The following PPP6R2 variants were observed in gnomAD, a reference collection of about 807,000 sequenced individuals.
PPP6R2 encodes the protein protein phosphatase 6 regulatory subunit 2, also known as serine/threonine-protein phosphatase 6 regulatory subunit 2.
Under a neutral mutation model 100.2 loss-of-function variants are expected in PPP6R2, and 62 were observed. That is an observed-to-expected ratio of 0.62 (90% CI 0.50 to 0.76). The LOEUF (loss-of-function observed/expected upper bound fraction) is 0.76. PPP6R2 is among the 30% of genes least tolerant of loss of function. The pLI, the probability that PPP6R2 is intolerant of heterozygous loss-of-function variation, is 0.00. For missense variants in PPP6R2, 1,142 were observed against 1,276.3 expected, an observed-to-expected ratio of 0.89 and a Z score of 1.60; for synonymous variants, 525 against 514.7, an observed-to-expected ratio of 1.02 and a Z score of -0.27.
chr22:50,339,355 ATG>A (rs2042342514), upstream of PPP6R2, among the ~76,000 whole-genome samples: 1 of 80,148 alleles, frequency 1.2e-5, no homozygotes, highest in African/African-American at 5.3e-5. Flanking sequence ...AGTGTGTGGT[ATG>A]TGGTGTGTGT....
chr22:50,380,850 G>A (rs1381217238), intron 2 of PPP6R2, among the ~76,000 whole-genome samples: 5 of 151,370 alleles, frequency 3.3e-5, no homozygotes, highest in East Asian at 4.0e-4. Flanking sequence ...TTAGCCGGGC[G>A]TGGTGGCGGG....
intron 1 of PPP6R2, among the ~76,000 whole-genome samples, chr22:50,353,656 G>A (rs2045808687): frequency 6.6e-6 from 1 of 152,088 alleles, no homozygotes; most frequent in Admixed American, 6.6e-5. Context: ...CCTTTAATTT[G>A]TAGAAAGCAC....
At chr22:50,378,828 C>T (rs1258357158) in intron 2 of PPP6R2, among the ~76,000 whole-genome samples, 1 of 151,070 alleles carries the variant, frequency 6.6e-6, no homozygotes, top group African/African-American at 2.4e-5. Context: ...TGCAGTGAGC[C>T]ATGATTGCAC....
At chr22:50,331,316 A>T in the PPP6R2 span, among the ~76,000 whole-genome samples, 1 of 151,726 alleles carries the variant, frequency 6.6e-6, no homozygotes, top group South Asian at 2.1e-4. Flanking sequence ...TTTGGCATAG[A>T]TATGTAGGAG....
chr22:50,408,385 CATGT>C lies in PPP6R2; in HGVS notation c.414+1511_414+1514del, dbSNP rs1394452828. On this transcript the variant is annotated intron_variant, in intron 4 of 23. Coordinates refer to ENST00000612753, the MANE Select transcript of PPP6R2 (RefSeq NM_001242898.2). ...GTTCCCCTTGACGACATTCAGCATG[CATGT>C]GAGTGTTCAGTGGAATGCCGTCTTC... Among the ~76,000 whole-genome samples the C allele has an allele frequency of 2.6e-5, 4 of 152,310 alleles. No homozygotes were observed. In the East Asian group the frequency reaches 7.7e-4, roughly 29 times the overall value.
chr22:50,399,137 C>T (rs753475503), intron 3 of PPP6R2, among the ~76,000 whole-genome samples: 5 of 152,094 alleles, frequency 3.3e-5, no homozygotes, highest in African/African-American at 7.2e-5. Flanking sequence ...GTCCCAGCTA[C>T]TTGGGAAGCT....
chr22:50,356,334 A>G (rs1602198974), intron 1 of PPP6R2, among the ~76,000 whole-genome samples: 2 of 131,910 alleles, frequency 1.5e-5, no homozygotes, highest in Non-Finnish European at 1.6e-5. Flanking sequence ...AGAGGGTGTC[A>G]CTCTGTCATC....
chr22:50,425,137 G>A (rs765729475), intron 10 of PPP6R2, among the ~76,000 whole-genome samples: 6 of 152,094 alleles, frequency 3.9e-5, no homozygotes, highest in African/African-American at 1.2e-4. Context: ...AACTCTCTCC[G>A]TTAAACACTA....
intron 2 of PPP6R2, among the ~76,000 whole-genome samples, chr22:50,375,994 G>C (rs569160326): frequency 1.3e-5 from 2 of 151,474 alleles, no homozygotes; most frequent in African/African-American, 4.9e-5. Flanking sequence ...GCGTGTGTCC[G>C]GCTAATTTTT....
In PPP6R2 at chr22:50,432,338, C is replaced by T. The variant is rs368507334; in HGVS notation, c.1400+9C>T. ...GCCAACGACCACACGCAGTAAGAGC[C>T]GCTCGGACGTGGAGGGACCCAGCCT... is the stretch of plus-strand genomic sequence containing the variant. On this transcript the variant is annotated intron_variant, in intron 12 of 23. Coordinates refer to ENST00000612753, the MANE Select transcript of PPP6R2 (RefSeq NM_001242898.2). The T allele has an allele frequency of 1.6e-5, 24 of 1,548,308 alleles. No individual in the cohort carries two copies. The highest frequency in any genetic ancestry group is 4.8e-5 in the South Asian group (4 of 83,966).
intron 2 of PPP6R2, among the ~76,000 whole-genome samples, chr22:50,383,161 G>T (rs1330507351): frequency 2.0e-5 from 3 of 152,140 alleles, no homozygotes; most frequent in African/African-American, 7.2e-5. Context: ...ATATGAAAAT[G>T]AAGGGGTCCA....
At chr22:50,439,071 C>T (rs1444477556) in intron 19 of PPP6R2, among the ~76,000 whole-genome samples, 3 of 152,294 alleles carry the variant, frequency 2.0e-5, no homozygotes, top group East Asian at 1.9e-4. Context: ...ACAGGCCTGA[C>T]GCCCTCCCCA....
rs1202641887 is a variant in PPP6R2, at chr22:50,437,388, TGGA to T, written c.1684-113_1684-111del. Reference sequence around the variant, plus strand: ...AACAGAGTTTACTGCCCACTTGTGCTGGAGGAGAAGCTCCCGAACAACTAGAGA... The same window carrying T: ...AACAGAGTTTACTGCCCACTTGTGCTGGAGAAGCTCCCGAACAACTAGAGA... On this transcript the variant is annotated intron_variant, in intron 15 of 23. Coordinates refer to ENST00000612753, the MANE Select transcript of PPP6R2 (RefSeq NM_001242898.2). The T allele has an allele frequency of 6.8e-6, 5 of 735,204 alleles. No homozygotes were observed. In the Admixed American group the frequency reaches 1.1e-4, roughly 16 times the overall value. 45.5% of individuals were successfully genotyped at this position (735,204 alleles called of 1,614,324 possible).
chr22:50,419,421 G>A lies in PPP6R2; in HGVS notation c.804G>A (p.Gly268=), dbSNP rs2061000378. Residue 268 remains glycine, a synonymous_variant, in exon 8 of 24, where the codon GGG becomes GGA. Coordinates refer to ENST00000612753, the MANE Select transcript of PPP6R2 (RefSeq NM_001242898.2). ...GGACGGAGAGCTGCCTCGTCAGTGG[G>A]ACTCAGGTGTTACTCACCTTGCTGG... ...GDRTESCLVS[G]TQVLLTLLET... is the part of the protein sequence containing the mutation. 5 of 1,614,090 alleles carry A rather than the reference G, an allele frequency of 3.1e-6. No individual in the cohort carries two copies. In the African/African-American group the frequency reaches 6.7e-5, roughly 22 times the overall value.
intron 3 of PPP6R2, among the ~76,000 whole-genome samples, chr22:50,405,932 G>A (rs2058840440): frequency 1.5e-5 from 2 of 135,516 alleles, no homozygotes; most frequent in Admixed American, 7.4e-5. Context: ...GGAGAGAGGT[G>A]AGAGGCCTGG....
At chr22:50,393,293 A>G (rs1024472397) in intron 2 of PPP6R2, 2 of 672,378 alleles carry the variant, frequency 3.0e-6, no homozygotes, top group Non-Finnish European at 3.7e-6. Flanking sequence ...CGATGAGTGG[A>G]TGGGCCGGGT....
intron 22 of PPP6R2, among the ~76,000 whole-genome samples, chr22:50,442,189 A>G (rs2065811212): frequency 6.6e-6 from 1 of 152,206 alleles, no homozygotes; most frequent in Admixed American, 6.5e-5. Context: ...CTTCCCCCAC[A>G]GGTGGGGCAG....
intron 3 of PPP6R2, among the ~76,000 whole-genome samples, chr22:50,401,793 C>A (rs186612496): frequency 6.6e-6 from 1 of 151,450 alleles, no homozygotes; most frequent in Non-Finnish European, 1.5e-5. Context: ...CCACCACGCC[C>A]GGCTAATTTT....
intron 19 of PPP6R2, 45 bp from the exon 20 acceptor site, chr22:50,439,656 C>T: frequency 6.7e-7 from 1 of 1,495,912 alleles, no homozygotes; most frequent in Non-Finnish European, 9.0e-7. Flanking sequence ...GCCTGCAGCA[C>T]CCCAGGCCTG....
Sources: gnomAD v4.1 joint callset for allele counts (sites outside exome capture counted in the v4.1 genomes callset) on GRCh38, gnomAD v4.1.1 for gene constraint, MANE v1.5 for transcripts, NCBI Gene and HGNC (gene_info 2026-07-23, HGNC 2026-07-21) for gene names.